NSD1: variants seen among roughly 807,000 people sequenced by gnomAD.
NSD1 encodes histone-lysine N-methyltransferase, H3 lysine-36 specific.
Under a neutral mutation model 242.7 loss-of-function variants are expected in NSD1, and 26 were observed. That is an observed-to-expected ratio of 0.11 (90% CI 0.08 to 0.15). The LOEUF (loss-of-function observed/expected upper bound fraction) is 0.15, where lower values mean the gene tolerates loss of function less well. Ranked by LOEUF, NSD1 falls within the 10% of genes least tolerant of loss-of-function variation. The pLI, the probability that NSD1 is intolerant of heterozygous loss-of-function variation, is 1.00. For synonymous variants in NSD1, 1,106 were observed against 1,178.1 expected, an observed-to-expected ratio of 0.94 and a Z score of 1.25; for missense variants, 2,495 against 3,272.8, an observed-to-expected ratio of 0.76 and a Z score of 5.80.
rs1363750371 is a variant in NSD1, at chr5:177,251,843, A to G, written c.4755A>G (p.Glu1585=). Residue 1585 remains glutamate, a synonymous_variant, in exon 12 of 23, where the codon GAA becomes GAG. Coordinates refer to ENST00000439151, the MANE Select transcript of NSD1 (RefSeq NM_022455.5). ...EMPRGKFICN[E]CRTGIHTCFV... is the part of the protein sequence containing the mutation. ...CAAGAGGAAAATTTATCTGCAATGA[A>G]TGTCGCACAGGTAAAGTAGATATCG... 2 of 1,614,226 alleles carry G rather than the reference A, an allele frequency of 1.2e-6. No homozygotes were observed.
intron 5 of NSD1, among the ~76,000 whole-genome samples, chr5:177,215,588 G>A (rs1046166701): frequency 3.3e-5 from 5 of 151,442 alleles, no homozygotes; most frequent in Non-Finnish European, 5.9e-5. Context: ...CACCCAGGCT[G>A]GAGTATAATG....
At chr5:177,267,910 T>C (rs1471591960) in intron 15 of NSD1, among the ~76,000 whole-genome samples, 192 bp downstream of exon 15, 1 of 151,582 alleles carries the variant, frequency 6.6e-6, no homozygotes, top group African/African-American at 2.4e-5. Flanking sequence ...ATAATACATG[T>C]TCTCTGTCGA....
chr5:177,186,023 TTA>T (rs1387336813), intron 2 of NSD1, among the ~76,000 whole-genome samples: 2 of 103,406 alleles, frequency 1.9e-5, no homozygotes, highest in Admixed American at 1.5e-4. Flanking sequence ...ATATTATATA[TTA>T]TATATTTTTT....
At position 177,214,360 on chromosome 5, in the gene NSD1, CA is replaced by C. The variant is rs535588214; in HGVS notation, c.3796+2172del. On this transcript the variant is annotated intron_variant, in intron 5 of 22. Coordinates refer to ENST00000439151, the MANE Select transcript of NSD1 (RefSeq NM_022455.5). ...GAAACCCCATTTCAAAATAAACAAA[CA>C]AAAAAACAGTATTTAAGTGTGTATT... Among the ~76,000 whole-genome samples the C allele has an allele frequency of 1.1e-3, 160 of 151,832 alleles. 1 individual carries two copies. The highest frequency in any genetic ancestry group is 3.7e-3 in the African/African-American group (152 of 41,432).
chr5:177,285,971 C>G (rs1434650372), intron 20 of NSD1, among the ~76,000 whole-genome samples: 1 of 152,164 alleles, frequency 6.6e-6, no homozygotes, highest in Non-Finnish European at 1.5e-5. Flanking sequence ...TCTCGGCTCA[C>G]TGCAACCTCC....
At chr5:177,152,369 ATATT>A (rs1757796043) in intron 2 of NSD1, among the ~76,000 whole-genome samples, 1 of 149,054 alleles carries the variant, frequency 6.7e-6, no homozygotes, top group East Asian at 2.0e-4. Flanking sequence ...ATGTTTGTAT[ATATT>A]TATATTTATT....
chr5:177,294,414 C>T lies in NSD1; in HGVS notation c.7046C>T (p.Pro2349Leu). Reference sequence around the variant, plus strand: ...TCCTCACCCTCAGTCAGGTCCCAACCACTGGAAAGACCTCTGGGGACGGCT... The same window carrying T: ...TCCTCACCCTCAGTCAGGTCCCAACTACTGGAAAGACCTCTGGGGACGGCT... The part of the protein sequence containing the change: ...PSSSPSVRSQ[P>L]LERPLGTADP... Residue 2349 changes from proline (P) to leucine (L), a missense_variant, in exon 23 of 23, where the codon CCA becomes CTA. This residue lies in a region of NSD1 where 475 missense variants were observed against 563.7 expected (regional missense o/e 0.84). Coordinates refer to ENST00000439151, the MANE Select transcript of NSD1 (RefSeq NM_022455.5). 1 of 1,614,172 alleles carries T rather than the reference C, an allele frequency of 6.2e-7. No homozygotes were observed.
Position 177,280,666 on chromosome 5 carries a change from C to G in NSD1, c.5724C>G (p.Asp1908Glu). 1.2e-6 allele frequency: 2 copies of G among 1,614,210 alleles called. No individual in the cohort carries two copies. The highest frequency in any genetic ancestry group is 1.7e-6 in the Non-Finnish European group (2 of 1,180,028). The stretch of plus-strand genomic sequence containing the variant: ...CTGATGAGAACCCCTGTGGGATAGA[C>G]TCTGAATGCATCAACCGCATGCTGC... ...KATDENPCGI[D>E]SECINRMLLY... is the part of the protein sequence containing the mutation. Residue 1908 changes from aspartate to glutamate, a missense_variant, in exon 18 of 23, where the codon GAC becomes GAG. This residue lies in a region of NSD1 where 114 missense variants were observed against 247.4 expected (regional missense o/e 0.46). Coordinates refer to ENST00000439151, the MANE Select transcript of NSD1 (RefSeq NM_022455.5).
chr5:177,293,549 C>T (rs1760020746), intron 22 of NSD1, among the ~76,000 whole-genome samples: 1 of 146,906 alleles, frequency 6.8e-6, no homozygotes, highest in Non-Finnish European at 1.5e-5. Flanking sequence ...CCCCTCACCT[C>T]CTTGCTGGAA....
Position 177,166,273 on chromosome 5 carries a change from C to CA in NSD1, c.928-25609dup, listed in dbSNP as rs563938762. ...TAAAAGTTTTGCTTTTAGGGTTGGG[C>CA]AAGGTGGCTTATGCCTATAATCCTA... is the stretch of plus-strand genomic sequence containing the variant. On this transcript the variant is annotated intron_variant, in intron 2 of 22. Coordinates refer to ENST00000439151, the MANE Select transcript of NSD1 (RefSeq NM_022455.5). Among the ~76,000 whole-genome samples, 17 of 152,060 alleles carry CA rather than the reference C, an allele frequency of 1.1e-4. 1 individual carries two copies. In the South Asian group the frequency reaches 3.5e-3, roughly 32 times the overall value.
In NSD1 at chr5:177,210,809, C is replaced by A; in HGVS notation, c.2410C>A (p.Pro804Thr). Residue 804 changes from proline to threonine, a missense_variant, in exon 5 of 23, where the codon CCA becomes ACA. Transcript: ENST00000439151. ...HKENPVMAEPPVINEECSLKC... is the reference protein window; with the variant it reads ...HKENPVMAEPTVINEECSLKC... Reference sequence around the variant, plus strand: ...AGAAAATCCAGTTATGGCAGAACCCCCAGTTATAAATGAGGAGTGCAGTTT... The same window carrying A: ...AGAAAATCCAGTTATGGCAGAACCCACAGTTATAAATGAGGAGTGCAGTTT... 3.1e-6 allele frequency: 5 copies of A among 1,614,116 alleles called. No individual in the cohort carries two copies. The highest frequency in any genetic ancestry group is 4.2e-6 in the Non-Finnish European group (5 of 1,180,016).
intron 12 of NSD1, among the ~76,000 whole-genome samples, chr5:177,256,457 A>G (rs1320315954): frequency 6.6e-6 from 1 of 151,700 alleles, no homozygotes; most frequent in Non-Finnish European, 1.5e-5. Flanking sequence ...TAATTTTTGT[A>G]TGTTTAGTAG....
rs1760278580 is a variant in NSD1, at chr5:177,296,717, T to A, written c.*1258T>A. 2 of 233,236 alleles carry A rather than the reference T, an allele frequency of 8.6e-6. No homozygotes were observed. Among genetic ancestry groups the A allele is most frequent in the South Asian group, 3.6e-4 (2 of 5,538 alleles). 14.4% of individuals were successfully genotyped at this position (233,236 alleles called of 1,614,324 possible). A position where few individuals can be genotyped will look rare whatever the true frequency, so the allele number is the denominator to read the frequency against. On this transcript the variant is annotated 3_prime_UTR_variant, in exon 23 of 23. Transcript: ENST00000439151. ...AGGCTAAGAGATGACTCCTATTAAC[T>A]GCTGATTATCTGTTACTGCTGCCCT...
intron 17 of NSD1, among the ~76,000 whole-genome samples, chr5:177,274,203 G>A (rs574886854): frequency 5.9e-5 from 9 of 152,220 alleles, no homozygotes; most frequent in Middle Eastern, 3.4e-3. Flanking sequence ...CATTCCTAGC[G>A]CATTGCCAGG....
At chr5:177,273,049 G>A (rs571621566) in intron 16 of NSD1, among the ~76,000 whole-genome samples, 57 of 152,170 alleles carry the variant, frequency 3.7e-4, no homozygotes, top group African/African-American at 1.3e-3. Context: ...CAATATCTGG[G>A]GCACCTAAGA....
intron 5 of NSD1, among the ~76,000 whole-genome samples, chr5:177,214,085 A>G (rs1763578270): frequency 6.6e-6 from 1 of 151,684 alleles, no homozygotes; most frequent in South Asian, 2.1e-4. Context: ...TAATTCCAGC[A>G]CTCTGGGAGG....
chr5:177,275,908 C>T (rs1319097246), intron 17 of NSD1, among the ~76,000 whole-genome samples: 1 of 152,200 alleles, frequency 6.6e-6, no homozygotes, highest in Non-Finnish European at 1.5e-5. Flanking sequence ...ATTTACAAGA[C>T]AGAATCAGTT....
At chr5:177,143,783 CTTTTT>C (rs11300578) in intron 2 of NSD1, among the ~76,000 whole-genome samples, 1 of 121,130 alleles carries the variant, frequency 8.3e-6, no homozygotes. Flanking sequence ...TACAAGATAA[CTTTTT>C]TTTTTTTTTT....
intron 14 of NSD1, 66 bp from the exon 15 acceptor site, chr5:177,267,496 T>G: frequency 1.5e-6 from 2 of 1,290,492 alleles, no homozygotes; most frequent in Non-Finnish European, 2.3e-6. Context: ...TATATATGTG[T>G]ATGGATGTAC....
Sources: allele counts gnomAD v4.1 joint callset (sites outside exome capture counted in the v4.1 genomes callset), GRCh38; gene constraint gnomAD v4.1.1; regional missense constraint gnomAD v4.1.1; transcripts MANE v1.5; gene names NCBI Gene and HGNC (gene_info 2026-07-23, HGNC 2026-07-21).